Variants in TUT4 observed in about 807,000 individuals in gnomAD.
The protein encoded by TUT4 is terminal uridylyl transferase 4.
TUT4 carries 36 observed loss-of-function variants against 192.2 expected under a neutral mutation model. That is an observed-to-expected ratio of 0.19 (90% CI 0.14 to 0.25). The LOEUF is 0.25. Ranked by LOEUF, TUT4 falls within the 10% of genes least tolerant of loss-of-function variation. TUT4 has a pLI of 1.00. For synonymous variants in TUT4, 618 were observed against 666.0 expected, an observed-to-expected ratio of 0.93 and a Z score of 1.11; for missense variants, 1,493 against 1,957.2, an observed-to-expected ratio of 0.76 and a Z score of 4.47.
intron 12 of TUT4, 77 bp downstream of exon 12, chr1:52,477,631 G>A: frequency 7.2e-7 from 1 of 1,386,296 alleles, no homozygotes. Flanking sequence ...CAAAGCCAAA[G>A]GATTATTAAC....
chr1:52,439,248 A>C (rs1177841412), intron 24 of TUT4, among the ~76,000 whole-genome samples: 1 of 152,152 alleles, frequency 6.6e-6, no homozygotes, highest in African/African-American at 2.4e-5. Context: ...AAAAATAAAT[A>C]AATTAACAAC....
chr1:52,502,139 A>T (rs1674286688), intron 4 of TUT4, among the ~76,000 whole-genome samples: 1 of 146,766 alleles, frequency 6.8e-6, no homozygotes, highest in South Asian at 2.2e-4. Context: ...ACAATAAAAA[A>T]ATTTCAAAAA....
At chr1:52,439,482 C>T (rs1000980577) in intron 24 of TUT4, among the ~76,000 whole-genome samples, 8 of 152,194 alleles carry the variant, frequency 5.3e-5, no homozygotes, top group South Asian at 2.1e-4. Flanking sequence ...TGCACTGTCA[C>T]GAAGACTAGT....
chr1:52,486,432 C>G (rs917427926), intron 9 of TUT4, among the ~76,000 whole-genome samples: 3 of 151,990 alleles, frequency 2.0e-5, no homozygotes, highest in Non-Finnish European at 4.4e-5. Context: ...AGAGAATAAT[C>G]AACTGCAATC....
At chr1:52,445,669 A>ATT (rs1229444377) in intron 24 of TUT4, 118 bp downstream of exon 24, 1 of 747,016 alleles carries the variant, frequency 1.3e-6, no homozygotes, top group Non-Finnish European at 2.2e-6. Context: ...ATAAGAAAAA[A>ATT]TATACAAAGC....
chr1:52,522,031 A>G (rs1206178806), intron 2 of TUT4, among the ~76,000 whole-genome samples: 2 of 152,080 alleles, frequency 1.3e-5, no homozygotes, highest in Admixed American at 6.5e-5. Context: ...AATCAATCTA[A>G]TAAGAAATCA....
At chr1:52,476,341 T>G (rs1048818727) in intron 12 of TUT4, among the ~76,000 whole-genome samples, 10 of 152,098 alleles carry the variant, frequency 6.6e-5, no homozygotes, top group Non-Finnish European at 1.0e-4. Flanking sequence ...AACCAATATT[T>G]AAACTTTGAT....
intron 20 of TUT4, among the ~76,000 whole-genome samples, chr1:52,455,662 G>C (rs1012684344): frequency 1.4e-5 from 2 of 143,400 alleles, no homozygotes; most frequent in Non-Finnish European, 3.1e-5. Flanking sequence ...GGAGGGCAGG[G>C]GAGGGGGGGA....
At chr1:52,551,873 AAAC>A (rs1689537551) in intron 1 of TUT4, among the ~76,000 whole-genome samples, 1 of 152,250 alleles carries the variant, frequency 6.6e-6, no homozygotes, top group Admixed American at 6.5e-5. Flanking sequence ...CAAGTGCTAC[AAAC>A]ATTTCGCTGC....
intron 5 of TUT4, 152 bp from the exon 6 acceptor site, chr1:52,495,667 C>T (rs56251001): frequency 0.1 from 52,497 of 519,326 alleles, 3,155 homozygotes; most frequent in East Asian, 0.17. Context: ...TCTAACTGAT[C>T]TATAGAATAA....
chr1:52,472,831 C>T (rs1666127653), intron 13 of TUT4, among the ~76,000 whole-genome samples: 2 of 152,028 alleles, frequency 1.3e-5, no homozygotes, highest in South Asian at 4.1e-4. Context: ...CACCAATACT[C>T]TTTTCTTTAT....
At chr1:52,499,572 C>CA (rs1673514954) in intron 4 of TUT4, among the ~76,000 whole-genome samples, 1 of 151,682 alleles carries the variant, frequency 6.6e-6, no homozygotes, top group African/African-American at 2.4e-5. Context: ...CCTGTTTCTA[C>CA]AAAAAATATA....
At chr1:52,441,015 C>A (rs1655342946) in intron 24 of TUT4, among the ~76,000 whole-genome samples, 1 of 152,088 alleles carries the variant, frequency 6.6e-6, no homozygotes, top group South Asian at 2.1e-4. Flanking sequence ...TGCTGATCTG[C>A]AATGACATTT....
chr1:52,499,804 G>A (rs1053641101), intron 4 of TUT4, among the ~76,000 whole-genome samples: 1 of 151,840 alleles, frequency 6.6e-6, no homozygotes, highest in African/African-American at 2.4e-5. Flanking sequence ...GGCCAGGCGT[G>A]GTGGCTCATG....
rs149268100 is a variant in TUT4 at position 52,471,989 on chromosome 1, A to G, written c.2841T>C (p.Phe947=). The G allele has an allele frequency of 1.0e-4, 161 of 1,613,636 alleles. No homozygotes were observed. The East Asian group carries it at 3.3e-3, about 33-fold the overall frequency. Residue 947 remains phenylalanine (F), a synonymous_variant, in exon 14 of 30, where the codon TTT becomes TTC. Coordinates refer to ENST00000257177, the MANE Select transcript of TUT4 (RefSeq NM_001009881.3). ...TACATACTAAATCAAGTATTTCCCGAAATCGGTTTGTCATTGGTGGTAGAG... is the reference window on the plus strand; with the variant it reads ...TACATACTAAATCAAGTATTTCCCGGAATCGGTTTGTCATTGGTGGTAGAG... ...LKPLPPMTNR[F]REILDLVCKR... is the part of the protein sequence containing the mutation.
chr1:52,537,157 C>T (rs777298337), intron 1 of TUT4, among the ~76,000 whole-genome samples: 7 of 151,950 alleles, frequency 4.6e-5, no homozygotes, highest in South Asian at 2.1e-4. Flanking sequence ...TAGTGAAACT[C>T]CATCTCAAAA....
At chr1:52,551,220 C>A (rs1689342165) in intron 1 of TUT4, among the ~76,000 whole-genome samples, 1 of 152,110 alleles carries the variant, frequency 6.6e-6, no homozygotes, top group Non-Finnish European at 1.5e-5. Flanking sequence ...AACAACTTGG[C>A]CTATGACAAT....
chr1:52,480,818 T>C (rs559770387), intron 11 of TUT4, among the ~76,000 whole-genome samples: 40 of 152,286 alleles, frequency 2.6e-4, no homozygotes, highest in South Asian at 2.5e-3. Context: ...TATACAGTAG[T>C]ACAGGAAAGT....
chr1:52,471,060 G>A lies in TUT4; in HGVS notation c.2878+892C>T, dbSNP rs530725679. 1.1e-4 allele frequency among the ~76,000 whole-genome samples: 14 copies of A among 130,206 alleles called. No homozygotes were observed. The South Asian group carries it at 1.5e-3, about 14-fold the overall frequency. The allele number at this position is 130,206 out of a possible 152,430, so 85.4% of individuals were successfully genotyped here. A position where few individuals can be genotyped will look rare whatever the true frequency, so the allele number is the denominator to read the frequency against. On this transcript the variant is annotated intron_variant, in intron 14 of 29. Transcript: ENST00000257177. ...AAGACGGAGTCTCACTCTGTTGCCC[G>A]GGCTGGAGTGCAGTGGCATAATCTT... is the stretch of plus-strand genomic sequence containing the variant.
Sources: gnomAD v4.1 joint callset for allele counts (sites outside exome capture counted in the v4.1 genomes callset) on GRCh38, gnomAD v4.1.1 for gene constraint, MANE v1.5 for transcripts, NCBI Gene and HGNC (gene_info 2026-07-23, HGNC 2026-07-21) for gene names.